LRRC4C: variants seen among roughly 807,000 people sequenced by gnomAD.
LRRC4C encodes the protein leucine-rich repeat-containing protein 4C.
LRRC4C carries 5 observed loss-of-function variants against 33.6 expected under a neutral mutation model. The ratio of observed to expected loss-of-function variants is 0.15; its 90% CI spans 0.08 to 0.31. The LOEUF (loss-of-function observed/expected upper bound fraction) is 0.31, where lower values mean the gene tolerates loss of function less well. LRRC4C is among the 10% of genes least tolerant of loss of function. The probability of loss-of-function intolerance (pLI) is 1.00; values close to 1 mark genes in which losing one functional copy is unlikely to be tolerated. For synonymous variants in LRRC4C, 329 were observed against 302.0 expected (o/e 1.09, Z -0.93); for missense variants, 560 against 796.7 (o/e 0.70, Z 3.58).
intron 3 of LRRC4C, among the ~76,000 whole-genome samples, chr11:40,466,828 C>T (rs1355925359): frequency 6.6e-6 from 1 of 152,020 alleles, no homozygotes; most frequent in African/African-American, 2.4e-5. Context: ...TATCATACTT[C>T]TTAATTCCTC....
chr11:40,802,326 T>G (rs1951073545), intron 2 of LRRC4C, among the ~76,000 whole-genome samples: 2 of 152,162 alleles, frequency 1.3e-5, no homozygotes, highest in Admixed American at 1.3e-4. Flanking sequence ...ACAGTGGGTA[T>G]TTAATAAATG....
chr11:40,942,720 A>T (rs1189985742), intron 1 of LRRC4C, among the ~76,000 whole-genome samples: 1 of 152,120 alleles, frequency 6.6e-6, no homozygotes, highest in African/African-American at 2.4e-5. Context: ...ACAGTGTGAG[A>T]TCTGCACTGC....
In LRRC4C at chr11:41,225,348, C is replaced by T. The variant is rs181629912; in HGVS notation, c.-496+234083G>A. 1.2e-3 allele frequency among the ~76,000 whole-genome samples: 180 copies of T among 152,170 alleles called. 2 individuals carry two copies. The highest frequency in any genetic ancestry group is 4.2e-3 in the African/African-American group (176 of 41,534). On this transcript the variant is annotated intron_variant, in intron 1 of 6. Transcript: ENST00000528697. ...ATAAATCCTTGAGAAGGTGGATACC[C>T]CATTTTCCATGATGTGATTATTACA...
chr11:40,333,396 G>A (rs1946445987), intron 3 of LRRC4C, among the ~76,000 whole-genome samples: 1 of 152,082 alleles, frequency 6.6e-6, no homozygotes, highest in African/African-American at 2.4e-5. Context: ...CTATTTACGA[G>A]TGAAAAATTG....
At chr11:41,355,847 A>G (rs2137617058) in intron 1 of LRRC4C, among the ~76,000 whole-genome samples, 1 of 152,256 alleles carries the variant, frequency 6.6e-6, no homozygotes, top group South Asian at 2.1e-4. Flanking sequence ...TTAAACTAGC[A>G]AACTTCTACT....
chr11:41,438,073 T>TAATA (rs1955498007), intron 1 of LRRC4C, among the ~76,000 whole-genome samples: 1 of 60,080 alleles, frequency 1.7e-5, no homozygotes, highest in East Asian at 2.7e-4. Flanking sequence ...AAATAAATAA[T>TAATA]AAAAAAAAAT....
chr11:40,820,184 G>GTAT, intron 2 of LRRC4C, among the ~76,000 whole-genome samples: 2 of 152,124 alleles, frequency 1.3e-5, no homozygotes, highest in Middle Eastern at 6.8e-3. Flanking sequence ...AACTGTCTAA[G>GTAT]TAATGTACTC....
At chr11:40,722,380 C>A (rs982000001) in intron 2 of LRRC4C, among the ~76,000 whole-genome samples, 1 of 152,132 alleles carries the variant, frequency 6.6e-6, no homozygotes, top group Non-Finnish European at 1.5e-5. Context: ...TTTACTCTTA[C>A]GCGCCGTCTA....
intron 3 of LRRC4C, among the ~76,000 whole-genome samples, chr11:40,613,871 A>AT (rs1185008948): frequency 6.6e-6 from 1 of 151,828 alleles, no homozygotes; most frequent in African/African-American, 2.4e-5. Flanking sequence ...ATGAATGGTG[A>AT]TTTTTTGAAA....
At chr11:40,942,263 C>G (rs1236818849) in intron 1 of LRRC4C, among the ~76,000 whole-genome samples, 1 of 152,150 alleles carries the variant, frequency 6.6e-6, no homozygotes, top group Non-Finnish European at 1.5e-5. Context: ...CAAAATCTAG[C>G]AGCAAAAGAC....
intron 3 of LRRC4C, among the ~76,000 whole-genome samples, chr11:40,499,469 C>A (rs773466561): frequency 6.6e-5 from 10 of 152,052 alleles, no homozygotes; most frequent in Non-Finnish European, 8.8e-5. Context: ...AGAGTGAATC[C>A]CTCACAGTCC....
intron 1 of LRRC4C, among the ~76,000 whole-genome samples, chr11:41,154,527 A>G (rs1944140658): frequency 1.3e-5 from 2 of 152,202 alleles, no homozygotes; most frequent in Admixed American, 1.3e-4. Flanking sequence ...GGTGAATTAA[A>G]TTAAATTGAA....
chr11:41,338,358 T>C (rs1951522766), intron 1 of LRRC4C, among the ~76,000 whole-genome samples: 1 of 152,024 alleles, frequency 6.6e-6, no homozygotes, highest in Non-Finnish European at 1.5e-5. Flanking sequence ...GAATAGAATG[T>C]AGCCATAAAG....
intron 2 of LRRC4C, among the ~76,000 whole-genome samples, chr11:40,835,094 T>C (rs553519987): frequency 2.0e-5 from 3 of 152,300 alleles, no homozygotes; most frequent in Admixed American, 6.5e-5. Flanking sequence ...GGAGCATTCA[T>C]GTATAGCTTA....
At chr11:40,222,801 G>T (rs577850387) in intron 5 of LRRC4C, among the ~76,000 whole-genome samples, 1 of 152,180 alleles carries the variant, frequency 6.6e-6, no homozygotes, top group African/African-American at 2.4e-5. Context: ...CTTAGAGTGG[G>T]AAAGGGTCTC....
intron 1 of LRRC4C, among the ~76,000 whole-genome samples, chr11:41,117,863 G>A (rs969438040): frequency 1.3e-5 from 2 of 151,988 alleles, no homozygotes; most frequent in African/African-American, 4.8e-5. Flanking sequence ...CAGAGTGCAA[G>A]AATTTAAAAC....
chr11:41,362,860 A>G (rs1332634063), intron 1 of LRRC4C, among the ~76,000 whole-genome samples: 1 of 151,410 alleles, frequency 6.6e-6, no homozygotes, highest in Non-Finnish European at 1.5e-5. Flanking sequence ...TTTCTGTCTG[A>G]CTCTGCTTCC....
Position 40,115,048 on chromosome 11 carries a change from A to T in LRRC4C, c.1245T>A (p.Asn415Lys). 1.2e-6 allele frequency: 2 copies of T among 1,614,240 alleles called. No individual in the cohort carries two copies. Among genetic ancestry groups the T allele is most frequent in the Non-Finnish European group, 1.7e-6 (2 of 1,180,044 alleles). The change falls in exon 7 of 7, where the codon AAT becomes AAA. Residue 415 changes from asparagine to lysine, a missense_variant. By Grantham distance (94) the Asn-to-Lys change is moderately conservative (BLOSUM62 0). Around this residue, in one of 3 missense-constraint regions of LRRC4C, gnomAD observed 455 missense variants for 643.8 expected, o/e 0.71. Coordinates refer to ENST00000528697, the MANE Select transcript of LRRC4C (RefSeq NM_001258419.2). This position sits in a 1 kb window ranked among gnomAD's most constrained non-coding sequence, Gnocchi z 6.7. ...ACATGCCTGTATCTTGCACAGTTAC[A>T]TTTGTGAAATTTAACGTACCATCAC... ...VLSDGTLNFT[N>K]VTVQDTGMYT...
At chr11:40,761,427 T>A (rs970882043) in intron 2 of LRRC4C, among the ~76,000 whole-genome samples, 2 of 152,070 alleles carry the variant, frequency 1.3e-5, no homozygotes, top group Non-Finnish European at 2.9e-5. Context: ...TCATCTTATA[T>A]GTGAAGGGGT....
Sources: gnomAD v4.1 joint callset for allele counts (sites outside exome capture counted in the v4.1 genomes callset) on GRCh38, gnomAD v4.1.1 for gene constraint, gnomAD v4.1.1 regional missense constraint, Gnocchi (gnomAD v3.1) non-coding constraint, MANE v1.5 for transcripts, NCBI Gene and HGNC (gene_info 2026-07-23, HGNC 2026-07-21) for gene names.